The following FSHR variants were observed in gnomAD, a reference collection of about 807,000 sequenced individuals.
The protein encoded by FSHR is follicle-stimulating hormone receptor.
A neutral mutation model predicts 52.1 loss-of-function variants in FSHR; 46 were observed. The observed-to-expected ratio is 0.88, with a 90% CI of 0.70 to 1.13. The LOEUF (loss-of-function observed/expected upper bound fraction) is 1.13. Ranked by LOEUF, FSHR falls within the 50% of genes most tolerant of loss-of-function variation. The probability of loss-of-function intolerance (pLI) is 0.00; values close to 1 mark genes in which losing one functional copy is unlikely to be tolerated. For missense variants in FSHR, 964 were observed against 834.6 expected (o/e 1.16, Z -1.91); for synonymous variants, 399 against 309.6 (o/e 1.29, Z -3.03).
At position 48,983,173 on chromosome 2, in the gene FSHR, T is replaced by G; in HGVS notation, c.525-7A>C. 6.2e-7 allele frequency: 1 copy of G among 1,613,564 alleles called. No individual in the cohort carries two copies. The highest frequency in any genetic ancestry group is 8.5e-7 in the Non-Finnish European group (1 of 1,179,620). On this transcript the variant is annotated splice_region_variant and splice_polypyrimidine_tract_variant and intron_variant, in intron 6 of 9. Transcript: ENST00000406846. The stretch of plus-strand genomic sequence containing the variant: ...CCCATTCTTATTCAGCCATCTGAAA[T>G]AAAAGGCCTATTAAAAAACCAATAA...
At chr2:49,072,572 G>T (rs2103629942) in intron 1 of FSHR, among the ~76,000 whole-genome samples, 1 of 152,212 alleles carries the variant, frequency 6.6e-6, no homozygotes, top group African/African-American at 2.4e-5. Context: ...CTTGAAAGTT[G>T]TTTAATAAGA....
rs2091788 is a variant in FSHR at position 49,017,248 on chromosome 2, T to A, written c.374+241A>T. ...GTACGAGGTCCATGTGACCGTCCCA[T>A]TAATGCAAATGGCATTTCTTATGTC... On this transcript the variant is annotated intron_variant, in intron 4 of 9. Transcript: ENST00000406846. Among the ~76,000 whole-genome samples the A allele has an allele frequency of 0.21, 32,176 of 152,140 alleles. 3,654 individuals carry two copies. Among genetic ancestry groups the A allele is most frequent in the South Asian group, 0.28 (1,352 of 4,826 alleles).
chr2:49,115,180 A>T (rs1384761139), intron 1 of FSHR, among the ~76,000 whole-genome samples: 1 of 150,848 alleles, frequency 6.6e-6, no homozygotes, highest in Non-Finnish European at 1.5e-5. Context: ...ACAGGATCCA[A>T]CCAGGCCACC....
At chr2:49,144,710 C>T (rs1161019697) in intron 1 of FSHR, among the ~76,000 whole-genome samples, 10 of 152,116 alleles carry the variant, frequency 6.6e-5, no homozygotes, top group Non-Finnish European at 1.5e-5. Context: ...AAGGTTTCTT[C>T]CTTTCCTGCC....
intron 1 of FSHR, among the ~76,000 whole-genome samples, chr2:49,139,676 C>T (rs758713864): frequency 1.1e-4 from 16 of 150,694 alleles, no homozygotes; most frequent in Non-Finnish European, 2.2e-4. Context: ...CGGCTCACTG[C>T]AAGCTCCGTC....
intron 1 of FSHR, among the ~76,000 whole-genome samples, chr2:49,154,061 A>G (rs1673158484): frequency 6.6e-6 from 1 of 152,184 alleles, no homozygotes; most frequent in African/African-American, 2.4e-5. Context: ...TTCTCTGACA[A>G]ATGCTGATAC....
At chr2:49,019,163 C>A (rs1165049157) in intron 3 of FSHR, among the ~76,000 whole-genome samples, 1 of 152,154 alleles carries the variant, frequency 6.6e-6, no homozygotes, top group Non-Finnish European at 1.5e-5. Context: ...ACACAATATC[C>A]TTCTTGGAGA....
chr2:48,967,091 C>T (rs145560212), intron 9 of FSHR, among the ~76,000 whole-genome samples: 73 of 152,176 alleles, frequency 4.8e-4, no homozygotes, highest in Non-Finnish European at 9.1e-4. Context: ...TCACAGTGAT[C>T]TTAACATTTT....
At chr2:49,075,216 T>C (rs1247066985) in intron 1 of FSHR, among the ~76,000 whole-genome samples, 1 of 152,180 alleles carries the variant, frequency 6.6e-6, no homozygotes. Flanking sequence ...ATGGAAAATG[T>C]TTGAGATGAT....
rs531306693 is a variant in FSHR, at chr2:49,014,332, G to C, written c.374+3157C>G. ...ATGTGTCTGGAATTGGTCACCTCCA[G>C]CTTTTTGTGAACTTGATACAGGACT... On this transcript the variant is annotated intron_variant, in intron 4 of 9. Coordinates refer to ENST00000406846, the MANE Select transcript of FSHR (RefSeq NM_000145.4). Among the ~76,000 whole-genome samples the C allele has an allele frequency of 2.4e-4, 37 of 152,230 alleles. No homozygotes were observed. The South Asian group carries it at 7.3e-3, about 30-fold the overall frequency.
At chr2:49,110,284 A>G (rs974232624) in intron 1 of FSHR, among the ~76,000 whole-genome samples, 4 of 152,200 alleles carry the variant, frequency 2.6e-5, no homozygotes, top group African/African-American at 9.6e-5. Context: ...ACAAAAACTG[A>G]GGCCCATAGC....
intron 2 of FSHR, among the ~76,000 whole-genome samples, chr2:49,056,100 C>A (rs1294725234): frequency 6.6e-6 from 1 of 151,894 alleles, no homozygotes; most frequent in Non-Finnish European, 1.5e-5. Flanking sequence ...ACAAAACAAG[C>A]AGATAACAAT....
chr2:48,993,406 T>C (rs1378137610), intron 4 of FSHR, among the ~76,000 whole-genome samples: 2 of 152,182 alleles, frequency 1.3e-5, no homozygotes, highest in African/African-American at 4.8e-5. Context: ...GGCTTCTTCT[T>C]TCTCACGTTC....
intron 1 of FSHR, among the ~76,000 whole-genome samples, chr2:49,132,968 T>TAAAAAAAA (rs34913428): frequency 2.1e-5 from 1 of 48,650 alleles, no homozygotes; most frequent in African/African-American, 8.5e-5. Context: ...TAAAACTCAG[T>TAAAAAAAA]AAAAAAAAAA....
chr2:48,977,873 G>A (rs767420473), intron 8 of FSHR, among the ~76,000 whole-genome samples: 43 of 152,138 alleles, frequency 2.8e-4, no homozygotes, highest in Non-Finnish European at 5.1e-4. Context: ...CTGGACAAGC[G>A]GGGAGGGGTA....
At chr2:49,041,228 A>G (rs1174947446) in intron 2 of FSHR, among the ~76,000 whole-genome samples, 2 of 152,136 alleles carry the variant, frequency 1.3e-5, no homozygotes, top group African/African-American at 4.8e-5. Context: ...TGGGAGGCAC[A>G]CCGTGAATAT....
At chr2:49,085,724 A>G (rs1670357309) in intron 1 of FSHR, among the ~76,000 whole-genome samples, 1 of 152,194 alleles carries the variant, frequency 6.6e-6, no homozygotes, top group African/African-American at 2.4e-5. Context: ...CAAATGTCCA[A>G]CAATGATAGA....
At chr2:49,000,292 C>T (rs1326780158) in intron 4 of FSHR, among the ~76,000 whole-genome samples, 1 of 152,084 alleles carries the variant, frequency 6.6e-6, no homozygotes, top group Non-Finnish European at 1.5e-5. Flanking sequence ...TACATATAAC[C>T]AGATTAGGGT....
At chr2:49,029,116 T>C (rs1387868503) in intron 2 of FSHR, among the ~76,000 whole-genome samples, 1 of 152,212 alleles carries the variant, frequency 6.6e-6, no homozygotes, top group East Asian at 1.9e-4. Context: ...CTTGGCCAAT[T>C]TGAAGAAAAG....
Sources: allele counts gnomAD v4.1 joint callset (sites outside exome capture counted in the v4.1 genomes callset), GRCh38; gene constraint gnomAD v4.1.1; transcripts MANE v1.5; gene names NCBI Gene and HGNC (gene_info 2026-07-23, HGNC 2026-07-21).